The following RAPGEF2 variants were observed in gnomAD, a reference collection of about 807,000 sequenced individuals.
RAPGEF2 encodes the protein PDZ domain containing guanine nucleotide exchange factor (GEF) 1.
RAPGEF2 carries 54 observed loss-of-function variants against 186.7 expected under a neutral mutation model. That is an observed-to-expected ratio of 0.29 (90% CI 0.23 to 0.36). The LOEUF (loss-of-function observed/expected upper bound fraction) is 0.36. RAPGEF2 is among the 10% of genes least tolerant of loss of function. RAPGEF2 has a pLI of 1.00. For synonymous variants in RAPGEF2, 712 were observed against 705.9 expected (o/e 1.01, Z -0.14); for missense variants, 1,532 against 2,045.0 (o/e 0.75, Z 4.84).
At chr4:159,330,612 A>G (rs1382128461) in intron 13 of RAPGEF2, 114 bp downstream of exon 13, 2 of 742,916 alleles carry the variant, frequency 2.7e-6, no homozygotes, top group Non-Finnish European at 4.2e-6. Context: ...AAATAGGAGA[A>G]TGTAATTCTG....
At chr4:159,345,439 C>A in intron 24 of RAPGEF2, 110 bp downstream of exon 24, 1 of 920,624 alleles carries the variant, frequency 1.1e-6, no homozygotes, top group Non-Finnish European at 1.7e-6. Flanking sequence ...GGGGAGCTAG[C>A]AATCCTGAGA....
chr4:159,242,460 T>TATACCC (rs1273205224), intron 6 of RAPGEF2, among the ~76,000 whole-genome samples: 1 of 147,962 alleles, frequency 6.8e-6, no homozygotes, highest in Admixed American at 6.6e-5. Context: ...TGATATATCT[T>TATACCC]ATACCCACAC....
At chr4:159,301,194 G>A (rs909969245) in intron 7 of RAPGEF2, among the ~76,000 whole-genome samples, 4 of 152,088 alleles carry the variant, frequency 2.6e-5, no homozygotes, top group African/African-American at 7.2e-5. Flanking sequence ...CCAACATGGT[G>A]AAAGCCTGTA....
chr4:159,291,127 C>T (rs1280071577), intron 7 of RAPGEF2, among the ~76,000 whole-genome samples: 1 of 152,116 alleles, frequency 6.6e-6, no homozygotes, highest in African/African-American at 2.4e-5. Context: ...TATTGTCTAG[C>T]TCAGTTGTAA....
intron 1 of RAPGEF2, among the ~76,000 whole-genome samples, chr4:159,125,305 A>T (rs1308842605): frequency 6.6e-6 from 1 of 152,192 alleles, no homozygotes; most frequent in Non-Finnish European, 1.5e-5. Context: ...CAACCTTGAA[A>T]TTGGAGTCAG....
At chr4:159,155,988 G>A (rs1165611665) in intron 1 of RAPGEF2, among the ~76,000 whole-genome samples, 2 of 152,118 alleles carry the variant, frequency 1.3e-5, no homozygotes, top group African/African-American at 4.8e-5. Flanking sequence ...CTAGATATAT[G>A]AGCTACTTAT....
chr4:159,238,840 C>T lies in RAPGEF2; in HGVS notation c.313C>T (p.Arg105Cys), dbSNP rs1384498175. ...FGKRSAGSFRRGCECIVLEPS... is the reference protein window; with the variant it reads ...FGKRSAGSFRCGCECIVLEPS... ...CAAGCGTTCTGCAGGAAGTTTTAGG[C>T]GTGGCTGTGAATGCATTGTTTTAGA... Residue 105 changes from arginine (R) to cysteine (C), a missense_variant, in exon 5 of 30, where the codon CGT (arginine) becomes TGT (cysteine). By Grantham distance (180) the Arg-to-Cys change is radical. This residue lies in a region of RAPGEF2 where 810 missense variants were observed against 1,210.5 expected (regional missense o/e 0.67). Transcript: ENST00000691494. The T allele has an allele frequency of 2.0e-6, 3 of 1,523,184 alleles. No homozygotes were observed. Among genetic ancestry groups the T allele is most frequent in the Non-Finnish European group, 2.6e-6 (3 of 1,142,934 alleles). 94.4% of individuals were successfully genotyped at this position (1,523,184 alleles called of 1,614,324 possible).
chr4:159,331,871 G>C, intron 15 of RAPGEF2, 38 bp downstream of exon 15: 1 of 1,596,672 alleles, frequency 6.3e-7, no homozygotes, highest in Non-Finnish European at 8.5e-7. Flanking sequence ...GTGAATTTTG[G>C]TGTCTGGTTT....
Position 159,272,503 on chromosome 4 carries a change from C to G in RAPGEF2, c.543+28712C>G, listed in dbSNP as rs149453526. ...TATCTCTATCTTAATGAATCAGGAT[C>G]ACTTAATATGCAGTGCTTAATTTTA... On this transcript the variant is annotated intron_variant, in intron 7 of 29. Coordinates refer to ENST00000691494, the MANE Select transcript of RAPGEF2 (RefSeq NM_001394067.2). Among the ~76,000 whole-genome samples, 742 of 152,294 alleles carry G rather than the reference C, an allele frequency of 4.9e-3. 11 individuals are homozygous for G. The highest frequency in any genetic ancestry group is 0.017 in the African/African-American group (707 of 41,560).
intron 7 of RAPGEF2, among the ~76,000 whole-genome samples, chr4:159,275,509 CATATGT>C (rs1225075941): frequency 6.6e-6 from 1 of 152,034 alleles, no homozygotes; most frequent in African/African-American, 2.4e-5. Context: ...GTACTTATTT[CATATGT>C]ATGTGTATGT....
In RAPGEF2 at chr4:159,358,137, T is replaced by A; in HGVS notation, c.4981T>A (p.Ter1661ArgextTer21). ...AGAAGATGAACAAGTTTCTGCTGTT[T>A]GAGGCACAGACTTTTCTGGAAGCAG... The part of the protein sequence containing the change: ...EDEDEQVSAV[*>R] Residue 1661 changes from the stop codon to arginine (R), a stop_lost, in exon 30 of 30, where the codon TGA becomes AGA. Coordinates refer to ENST00000691494, the MANE Select transcript of RAPGEF2 (RefSeq NM_001394067.2). The A allele has an allele frequency of 6.2e-7, 1 of 1,612,156 alleles. No homozygotes were observed. The highest frequency in any genetic ancestry group is 8.5e-7 in the Non-Finnish European group (1 of 1,179,254).
rs1737497792 is a variant in RAPGEF2, at chr4:159,104,072, C to T, written c.-91C>T. 1 of 732,130 alleles carries T rather than the reference C, an allele frequency of 1.4e-6. No homozygotes were observed. The highest frequency in any genetic ancestry group is 1.8e-6 in the Non-Finnish European group (1 of 566,204). The allele number at this position is 732,130 out of a possible 1,614,324, so 45.4% of individuals were successfully genotyped here. A position where few individuals can be genotyped will look rare whatever the true frequency, so the allele number is the denominator to read the frequency against. On this transcript the variant is annotated 5_prime_UTR_variant, in exon 1 of 30. Coordinates refer to ENST00000691494, the MANE Select transcript of RAPGEF2 (RefSeq NM_001394067.2). ...GATTAGTCGCGGGCGGGCGGGCGGGCGCAGCGCGCAGGGCGGAGGCAGCAG... is the reference window on the plus strand; with the variant it reads ...GATTAGTCGCGGGCGGGCGGGCGGGTGCAGCGCGCAGGGCGGAGGCAGCAG...
At chr4:159,335,417 A>AT (rs2111227193) in intron 17 of RAPGEF2, among the ~76,000 whole-genome samples, 1 of 152,318 alleles carries the variant, frequency 6.6e-6, no homozygotes, top group Admixed American at 6.5e-5. Flanking sequence ...ACATTTCTGA[A>AT]TTAGGTCTTG....
At chr4:159,320,733 C>T (rs918824452) in intron 9 of RAPGEF2, among the ~76,000 whole-genome samples, 2 of 152,076 alleles carry the variant, frequency 1.3e-5, no homozygotes, top group Non-Finnish European at 2.9e-5. Context: ...AATATATTCA[C>T]AGAATATATT....
At position 159,323,717 on chromosome 4, in the gene RAPGEF2, A is replaced by G. The variant is rs376059254; in HGVS notation, c.1149+100A>G. On this transcript the variant is annotated intron_variant, in intron 11 of 29. Coordinates refer to ENST00000691494, the MANE Select transcript of RAPGEF2 (RefSeq NM_001394067.2). The stretch of plus-strand genomic sequence containing the variant: ...TTCTCCCTATATAAATATCTTACAA[A>G]TAATTTTTTTTTTTTTTTTGAGACA... The G allele has an allele frequency of 2.6e-4, 193 of 744,734 alleles. 1 individual carries two copies. The East Asian group carries it at 6.4e-3, about 25-fold the overall frequency. The allele number at this position is 744,734 out of a possible 1,614,324, so 46.1% of individuals were successfully genotyped here. A position where few individuals can be genotyped will look rare whatever the true frequency, so the allele number is the denominator to read the frequency against.
At chr4:159,260,925 T>G (rs1681427743) in intron 7 of RAPGEF2, among the ~76,000 whole-genome samples, 1 of 152,118 alleles carries the variant, frequency 6.6e-6, no homozygotes, top group African/African-American at 2.4e-5. Flanking sequence ...ATTTTTTGTA[T>G]TTTTAGTAGA....
intron 7 of RAPGEF2, among the ~76,000 whole-genome samples, chr4:159,264,276 A>T (rs1331174549): frequency 6.6e-6 from 1 of 152,188 alleles, no homozygotes; most frequent in Non-Finnish European, 1.5e-5. Context: ...TGAGAGAGAG[A>T]TCATGCCAAG....
chr4:159,191,468 C>T (rs894138987), intron 2 of RAPGEF2, among the ~76,000 whole-genome samples: 4 of 152,076 alleles, frequency 2.6e-5, no homozygotes, highest in South Asian at 2.1e-4. Flanking sequence ...AGGCCGGGCG[C>T]GATGGCTAAT....
chr4:159,340,667 CCACACACACACACA>C (rs3071283), intron 19 of RAPGEF2, among the ~76,000 whole-genome samples: 14 of 76,868 alleles, frequency 1.8e-4, no homozygotes, highest in South Asian at 1.0e-3. Context: ...ACCACCATCA[CCACACACACACACA>C]CACACACACA....
Sources: gnomAD v4.1 joint callset for allele counts (sites outside exome capture counted in the v4.1 genomes callset) on GRCh38, gnomAD v4.1.1 for gene constraint, gnomAD v4.1.1 regional missense constraint, MANE v1.5 for transcripts, NCBI Gene and HGNC (gene_info 2026-07-23, HGNC 2026-07-21) for gene names.